Variants in SH3YL1 observed in about 807,000 individuals in gnomAD.
The protein encoded by SH3YL1 is SH3 domain-containing YSC84-like protein 1.
In SH3YL1, 41 loss-of-function variants were observed where a neutral mutation model predicts 45.8. The ratio of observed to expected loss-of-function variants is 0.89; its 90% CI spans 0.70 to 1.16. The LOEUF (loss-of-function observed/expected upper bound fraction) is 1.16, where lower values mean the gene tolerates loss of function less well. SH3YL1 is among the 50% of genes most tolerant of loss of function. The pLI, the probability that SH3YL1 is intolerant of heterozygous loss-of-function variation, is 0.00. For synonymous variants in SH3YL1, 152 were observed against 151.4 expected (o/e 1.00, Z -0.03); for missense variants, 389 against 409.6 (o/e 0.95, Z 0.43).
chr2:241,629 A>G (rs1272125586), intron 4 of SH3YL1: 1 of 152,158 alleles, frequency 6.6e-6, no homozygotes, highest in Non-Finnish European at 1.5e-5. Context: ...AATGCAAGAG[A>G]AAATCTGGAA....
upstream of SH3YL1, chr2:264,174 C>T: frequency 1.3e-6 from 1 of 781,982 alleles, no homozygotes. Flanking sequence ...CGCGCTCAGG[C>T]CTTCGCCCTC....
chr2:245,037 G>A (rs751086096), intron 4 of SH3YL1, among the ~76,000 whole-genome samples: 4 of 152,142 alleles, frequency 2.6e-5, no homozygotes, highest in African/African-American at 4.8e-5. Flanking sequence ...CCATGCTCCC[G>A]TTCTGACTCC....
intron 9 of SH3YL1, among the ~76,000 whole-genome samples, chr2:219,220 C>A (rs1667478187): frequency 6.6e-6 from 1 of 152,132 alleles, no homozygotes; most frequent in Non-Finnish European, 1.5e-5. Flanking sequence ...TGGTTACAAT[C>A]GTCTAAATTT....
At chr2:231,480 A>G (rs1432694343) in intron 6 of SH3YL1, among the ~76,000 whole-genome samples, 1 of 152,056 alleles carries the variant, frequency 6.6e-6, no homozygotes, top group Admixed American at 6.5e-5. Context: ...ACTTGCCCAT[A>G]TATATACATA....
intron 1 of SH3YL1, among the ~76,000 whole-genome samples, chr2:258,522 A>C (rs1209698403): frequency 6.6e-6 from 1 of 152,202 alleles, no homozygotes; most frequent in African/African-American, 2.4e-5. Flanking sequence ...CTAGTAAAAC[A>C]GGATTGTAGA....
In SH3YL1 at chr2:221,391, T is replaced by C. The variant is rs563937548; in HGVS notation, c.839-2390A>G. 6.1e-4 allele frequency among the ~76,000 whole-genome samples: 93 copies of C among 152,326 alleles called. 1 individual carries two copies. Among genetic ancestry groups the C allele is most frequent in the African/African-American group, 2.1e-3 (87 of 41,562 alleles). On this transcript the variant is annotated intron_variant, in intron 9 of 9. Coordinates refer to ENST00000356150, the MANE Select transcript of SH3YL1 (RefSeq NM_015677.4). ...TTGGTTCTAAGCAGTTTCAGGAATATATTTTATGAGGAATAATTAGAGAAA... is the reference window on the plus strand; with the variant it reads ...TTGGTTCTAAGCAGTTTCAGGAATACATTTTATGAGGAATAATTAGAGAAA...
At chr2:227,122 T>C (rs763038170) in intron 8 of SH3YL1, among the ~76,000 whole-genome samples, 3 of 151,978 alleles carry the variant, frequency 2.0e-5, no homozygotes, top group African/African-American at 7.3e-5. Context: ...AGTGTATATA[T>C]GGTGGGGAGT....
intron 4 of SH3YL1, among the ~76,000 whole-genome samples, chr2:236,413 G>A (rs1043370160): frequency 5.3e-5 from 8 of 152,130 alleles, no homozygotes; most frequent in African/African-American, 1.9e-4. Context: ...ACACCTCATG[G>A]AACTACTGTG....
At chr2:221,218 A>T (rs576825795) in intron 9 of SH3YL1, among the ~76,000 whole-genome samples, 1 of 152,326 alleles carries the variant, frequency 6.6e-6, no homozygotes, top group South Asian at 2.1e-4. Flanking sequence ...TGTGCTCAAC[A>T]GACCAAACTG....
intron 3 of SH3YL1, among the ~76,000 whole-genome samples, chr2:248,777 C>G (rs1572171623): frequency 1.3e-5 from 2 of 152,156 alleles, no homozygotes; most frequent in Admixed American, 1.3e-4. Flanking sequence ...TTTGGTTTTA[C>G]TGCTGAGAAG....
intron 4 of SH3YL1, among the ~76,000 whole-genome samples, chr2:244,474 C>A (rs373530795): frequency 6.9e-6 from 1 of 145,234 alleles, no homozygotes; most frequent in East Asian, 2.0e-4. Flanking sequence ...CCAGCCTGGG[C>A]GACAGAGCAA....
At chr2:238,316 T>A (rs1668396678) in intron 4 of SH3YL1, among the ~76,000 whole-genome samples, 1 of 150,746 alleles carries the variant, frequency 6.6e-6, no homozygotes, top group Non-Finnish European at 1.5e-5. Context: ...ATGGCCAGTC[T>A]CAATATGTAA....
rs1016470977 is a variant in SH3YL1 at position 244,418 on chromosome 2, C to T, written c.291+3120G>A. On this transcript the variant is annotated intron_variant, in intron 4 of 9. Transcript: ENST00000356150. ...GGCTGAGGCAGGAGAATCACTTGAACCCAGGAGGCAGAGGTTGCAGTGAGC... is the reference window on the plus strand; with the variant it reads ...GGCTGAGGCAGGAGAATCACTTGAATCCAGGAGGCAGAGGTTGCAGTGAGC... Among the ~76,000 whole-genome samples, 12 of 152,040 alleles carry T rather than the reference C, an allele frequency of 7.9e-5. 1 individual carries two copies. The highest frequency in any genetic ancestry group is 3.4e-3 in the Middle Eastern group (1 of 294).
At position 247,620 on chromosome 2, in the gene SH3YL1, G is replaced by A. The variant is rs181819043; in HGVS notation, c.227-18C>T. ...AGACCATTCTAATAAAAAAACAAAC[G>A]AACGTTATCCTAACATTAAAACACC... On this transcript the variant is annotated intron_variant, in intron 3 of 9. Transcript: ENST00000356150. The A allele has an allele frequency of 1.2e-4, 187 of 1,546,062 alleles. No homozygotes were observed. In the African/African-American group the frequency reaches 2.0e-3, roughly 17 times the overall value.
chr2:242,682 TAAAC>T (rs1668592775), intron 4 of SH3YL1: 3 of 1,316,022 alleles, frequency 2.3e-6, no homozygotes, highest in South Asian at 2.0e-5. Flanking sequence ...GTGAATGAAT[TAAAC>T]AACCAAATAA....
At position 234,459 on chromosome 2, in the gene SH3YL1, G is replaced by T. The variant is rs139995069; in HGVS notation, c.292-187C>A. 9.3e-3 allele frequency among the ~76,000 whole-genome samples: 1,415 copies of T among 152,244 alleles called. 17 individuals are homozygous for T. Among genetic ancestry groups the T allele is most frequent in the Non-Finnish European group, 0.013 (896 of 68,018 alleles). ...AATTATGAAGCCAATATTGCCACAG[G>T]TAATTACAACAAACCTCAGCGAGCA... On this transcript the variant is annotated intron_variant, in intron 4 of 9. Coordinates refer to ENST00000356150, the MANE Select transcript of SH3YL1 (RefSeq NM_015677.4).
At position 218,729 on chromosome 2, in the gene SH3YL1, AT is replaced by A; in HGVS notation, c.*81del. On this transcript the variant is annotated 3_prime_UTR_variant, in exon 10 of 10. Transcript: ENST00000356150. The stretch of plus-strand genomic sequence containing the variant: ...AGAACAGAAGTTTTTTAAAATTTAT[AT>A]TAAACATTGCTTAACTAGTAAATCC... 8.3e-7 allele frequency: 1 copy of A among 1,201,480 alleles called. No individual in the cohort carries two copies. The highest frequency in any genetic ancestry group is 1.9e-5 in the South Asian group (1 of 53,094). 74.4% of individuals were successfully genotyped at this position (1,201,480 alleles called of 1,614,324 possible).
intron 1 of SH3YL1, among the ~76,000 whole-genome samples, chr2:255,031 TA>T (rs1391415587): frequency 6.6e-6 from 1 of 152,208 alleles, no homozygotes; most frequent in Non-Finnish European, 1.5e-5. Flanking sequence ...CATGTCTCCC[TA>T]AAATTTATAA....
At chr2:227,227 T>C (rs1189537133) in intron 8 of SH3YL1, among the ~76,000 whole-genome samples, 2 of 152,242 alleles carry the variant, frequency 1.3e-5, no homozygotes, top group Non-Finnish European at 2.9e-5. Context: ...GATGAGACTC[T>C]AAGTAGTAAA....
Sources: allele counts gnomAD v4.1 joint callset (sites outside exome capture counted in the v4.1 genomes callset), GRCh38; gene constraint gnomAD v4.1.1; transcripts MANE v1.5; gene names NCBI Gene and HGNC (gene_info 2026-07-23, HGNC 2026-07-21).